The following MTMR4 variants were observed in gnomAD, a reference collection of about 807,000 sequenced individuals.
MTMR4 encodes myotubularin related protein 4.
In MTMR4, 30 loss-of-function variants were observed where a neutral mutation model predicts 125.5. That is an observed-to-expected ratio of 0.24 (90% CI 0.18 to 0.32). The LOEUF is 0.32. Among genes scored for constraint, MTMR4 ranks in the 10% least tolerant of loss-of-function variants. The pLI is 1.00. For synonymous variants in MTMR4, 498 were observed against 564.5 expected (o/e 0.88, Z 1.67); for missense variants, 1,039 against 1,511.5 (o/e 0.69, Z 5.18).
chr17:58,491,656 C>T lies in MTMR4; in HGVS notation c.*7G>A. The T allele has an allele frequency of 2.5e-6, 4 of 1,611,528 alleles. No individual in the cohort carries two copies. Among genetic ancestry groups the T allele is most frequent in the Non-Finnish European group, 3.4e-6 (4 of 1,178,006 alleles). On this transcript the variant is annotated 3_prime_UTR_variant, in exon 18 of 18. Coordinates refer to ENST00000682306, the MANE Select transcript of MTMR4 (RefSeq NM_001378067.1). ...CTGCTAAAATTGGACAGGTTTCTCCCCGGCATTCAACTGGAAGCTGTAGCA... is the reference window on the plus strand; with the variant it reads ...CTGCTAAAATTGGACAGGTTTCTCCTCGGCATTCAACTGGAAGCTGTAGCA...
chr17:58,500,120 T>C (rs1975581444), intron 14 of MTMR4, among the ~76,000 whole-genome samples: 1 of 152,050 alleles, frequency 6.6e-6, no homozygotes, highest in Non-Finnish European at 1.5e-5. Context: ...CTCTAAAGCT[T>C]TGAACTACAC....
Position 58,495,491 on chromosome 17 carries a change from G to A in MTMR4, c.2693C>T (p.Pro898Leu), listed in dbSNP as rs774873044. ...LLENPRFGKM[P>L]LELVRKPISQ... ...AATTGGCTTCCGGACCAATTCCAAT[G>A]GCATTTTCCCAAAGCGAGGATTTTC... The change falls in exon 15 of 18, where the codon CCA (proline) becomes CTA (leucine). Residue 898 changes from proline to leucine, a missense_variant. Transcript: ENST00000682306. 3 of 1,614,094 alleles carry A rather than the reference G, an allele frequency of 1.9e-6. No individual in the cohort carries two copies. The highest frequency in any genetic ancestry group is 1.1e-5 in the South Asian group (1 of 91,086).
chr17:58,496,736 G>T (rs1194106084), intron 14 of MTMR4, among the ~76,000 whole-genome samples: 1 of 152,218 alleles, frequency 6.6e-6, no homozygotes, highest in African/African-American at 2.4e-5. Flanking sequence ...AAAACAGAAA[G>T]AAGATGGGTT....
chr17:58,516,879 C>T (rs1211684150), upstream of MTMR4, among the ~76,000 whole-genome samples: 2 of 152,192 alleles, frequency 1.3e-5, no homozygotes, highest in Admixed American at 1.3e-4. Context: ...GATTATTCAG[C>T]AGAATTCAGG....
intron 14 of MTMR4, 29 bp from the exon 15 acceptor site, chr17:58,496,359 T>C: frequency 6.4e-7 from 1 of 1,554,268 alleles, no homozygotes; most frequent in Non-Finnish European, 8.7e-7. Flanking sequence ...CACCTCCAGG[T>C]CAGGAGATGG....
rs61739434 is a variant in MTMR4, at chr17:58,507,144, C to G, written c.883G>C (p.Glu295Gln). The G allele has an allele frequency of 1.1e-5, 17 of 1,614,024 alleles. No homozygotes were observed. The highest frequency in any genetic ancestry group is 1.4e-5 in the Non-Finnish European group (16 of 1,180,036). Residue 295 changes from glutamate (E) to glutamine (Q), a missense_variant, in exon 8 of 18, where the codon GAG (glutamate) becomes CAG (glutamine). Physicochemically the swap from Glu to Gln is conservative, Grantham distance 29. This residue lies in a region of MTMR4 where 49 missense variants were observed against 68.4 expected (regional missense o/e 0.72). Coordinates refer to ENST00000682306, the MANE Select transcript of MTMR4 (RefSeq NM_001378067.1). ...TTACCAAAGTCAGCATCACACGCCT[C>G]GCTGGTATCATTATTCCCGGTGCTG... ...SLSTGNNDTS[E>Q]ACDADFDSSL...
chr17:58,514,244 C>G, intron 1 of MTMR4, 119 bp downstream of exon 1: 10 of 904,142 alleles, frequency 1.1e-5, no homozygotes, highest in Non-Finnish European at 1.3e-5. Context: ...TTCCCTGCCC[C>G]CCAAACGTTC....
chr17:58,492,434 G>A (rs944333499), intron 17 of MTMR4, 77 bp downstream of exon 17: 63 of 1,300,226 alleles, frequency 4.8e-5, no homozygotes, highest in Non-Finnish European at 6.5e-5. Flanking sequence ...CTCCCAAGGT[G>A]TTGGCATTAC....
In MTMR4 at chr17:58,499,627, G is replaced by GTT. The variant is rs1336648859; in HGVS notation, c.1854-3299_1854-3298dup. Reference sequence around the variant, plus strand: ...TCCCTTTATTTCATTCATTTGTCCAGTTTTTTTTTTTTTTGAGACAGTCTC... The same window carrying GTT: ...TCCCTTTATTTCATTCATTTGTCCAGTTTTTTTTTTTTTTTTGAGACAGTCTC... On this transcript the variant is annotated intron_variant, in intron 14 of 17. Coordinates refer to ENST00000682306, the MANE Select transcript of MTMR4 (RefSeq NM_001378067.1). Among the ~76,000 whole-genome samples the GTT allele has an allele frequency of 6.0e-3, 853 of 142,974 alleles. 4 individuals carry two copies. The highest frequency in any genetic ancestry group is 9.1e-3 in the African/African-American group (356 of 39,242). The allele number at this position is 142,974 out of a possible 152,430, so 93.8% of individuals were successfully genotyped here.
chr17:58,506,103 T>C (rs529641751), intron 9 of MTMR4, among the ~76,000 whole-genome samples: 8 of 152,288 alleles, frequency 5.3e-5, no homozygotes, highest in Admixed American at 2.6e-4. Flanking sequence ...TAATGACAAA[T>C]GATAGCAGTA....
intron 14 of MTMR4, among the ~76,000 whole-genome samples, chr17:58,501,825 C>T (rs1216988187): frequency 6.6e-6 from 1 of 151,610 alleles, no homozygotes; most frequent in Non-Finnish European, 1.5e-5. Flanking sequence ...TTTGGGAGGC[C>T]GAGATGGTGG....
rs576155142 is a variant in MTMR4, at chr17:58,508,932, G to A, written c.336-91C>T. On this transcript the variant is annotated intron_variant, in intron 4 of 17. Transcript: ENST00000682306. This position sits in a 1 kb window ranked among gnomAD's most constrained non-coding sequence, Gnocchi z 4.8. ...CCAAAAACACAGCCACAGGAAGGCT[G>A]TGAGGAGAGAAGGCTGCAAAGCAAG... The A allele has an allele frequency of 8.5e-4, 1,223 of 1,444,326 alleles. 1 individual carries two copies. Among genetic ancestry groups the A allele is most frequent in the Non-Finnish European group, 1.1e-3 (1,175 of 1,057,614 alleles). The allele number at this position is 1,444,326 out of a possible 1,614,324, so 89.5% of individuals were successfully genotyped here. A position where few individuals can be genotyped will look rare whatever the true frequency, so the allele number is the denominator to read the frequency against.
chr17:58,506,616 A>G lies in MTMR4; in HGVS notation c.1033+127T>C, dbSNP rs1237291087. The G allele has an allele frequency of 4.2e-6, 5 of 1,183,340 alleles. No homozygotes were observed. In the African/African-American group the frequency reaches 6.1e-5, roughly 14 times the overall value. 73.3% of individuals were successfully genotyped at this position (1,183,340 alleles called of 1,614,324 possible). ...ATAGTCATAGCCATAGCTAGTAGGT[A>G]GCAAAGTTGTGATTACAAGCCAGGT... On this transcript the variant is annotated intron_variant, in intron 9 of 17. Transcript: ENST00000682306.
rs1370330703 is a variant in MTMR4, at chr17:58,496,270, C to T, written c.1914G>A (p.Leu638=). ...LLSACDTSSP[L]TRTSSDPNLN... ...GGTTAGGGTCACTGGATGTACGAGTCAGGGGGCTGCTTGTGTCACAGGCAG... is the reference window on the plus strand; with the variant it reads ...GGTTAGGGTCACTGGATGTACGAGTTAGGGGGCTGCTTGTGTCACAGGCAG... The change falls in exon 15 of 18, where the codon CTG becomes CTA. Residue 638 remains leucine, a synonymous_variant. Coordinates refer to ENST00000682306, the MANE Select transcript of MTMR4 (RefSeq NM_001378067.1). 2.5e-6 allele frequency: 4 copies of T among 1,613,802 alleles called. No individual in the cohort carries two copies. Among genetic ancestry groups the T allele is most frequent in the Non-Finnish European group, 3.4e-6 (4 of 1,179,892 alleles).
intron 14 of MTMR4, among the ~76,000 whole-genome samples, chr17:58,501,967 G>A (rs1005984882): frequency 2.0e-5 from 3 of 151,690 alleles, no homozygotes; most frequent in Non-Finnish European, 4.4e-5. Flanking sequence ...GCTGGGGCAG[G>A]AGAATCACCT....
chr17:58,499,754 C>G (rs893710359), intron 14 of MTMR4, among the ~76,000 whole-genome samples: 17 of 151,750 alleles, frequency 1.1e-4, no homozygotes, highest in Admixed American at 1.3e-4. Flanking sequence ...TCCAGAGTAG[C>G]TGGGACTACA....
upstream of MTMR4, among the ~76,000 whole-genome samples, chr17:58,515,912 G>A (rs1264074464): frequency 6.6e-6 from 1 of 152,212 alleles, no homozygotes; most frequent in Non-Finnish European, 1.5e-5. Context: ...AGGGCCTACA[G>A]CTCTCTAGGC....
chr17:58,517,258 TG>T (rs1195320507), upstream of MTMR4, among the ~76,000 whole-genome samples: 1 of 152,236 alleles, frequency 6.6e-6, no homozygotes, highest in Non-Finnish European at 1.5e-5. Flanking sequence ...ATCCAGGCCT[TG>T]GAGTCAGCAT....
At position 58,512,528 on chromosome 17, in the gene MTMR4, T is replaced by C; in HGVS notation, c.136-22A>G. On this transcript the variant is annotated intron_variant, in intron 2 of 17. Transcript: ENST00000682306. The surrounding 1 kb of genome is among the most constrained non-coding windows in gnomAD (Gnocchi z 4.1). ...GGACCTGTCAAGGGGCAGAGAAACC[T>C]TCAGTCCAGAAGTGAGTGACCACCT... The C allele has an allele frequency of 6.3e-7, 1 of 1,583,048 alleles. No individual in the cohort carries two copies. The highest frequency in any genetic ancestry group is 8.7e-7 in the Non-Finnish European group (1 of 1,152,140).
Sources: gnomAD v4.1 joint callset for allele counts (sites outside exome capture counted in the v4.1 genomes callset) on GRCh38, gnomAD v4.1.1 for gene constraint, gnomAD v4.1.1 regional missense constraint, Gnocchi (gnomAD v3.1) non-coding constraint, MANE v1.5 for transcripts, NCBI Gene and HGNC (gene_info 2026-07-23, HGNC 2026-07-21) for gene names.